KAZN: variants seen among roughly 807,000 people sequenced by gnomAD.
KAZN encodes the protein kazrin.
A neutral mutation model predicts 87.4 loss-of-function variants in KAZN; 40 were observed. That is an observed-to-expected ratio of 0.46 (90% CI 0.36 to 0.60). The LOEUF (loss-of-function observed/expected upper bound fraction) is 0.60, where lower values mean the gene tolerates loss of function less well. Ranked by LOEUF, KAZN falls within the 20% of genes least tolerant of loss-of-function variation. The pLI, the probability that KAZN is intolerant of heterozygous loss-of-function variation, is 0.00. For synonymous variants in KAZN, 466 were observed against 458.3 expected (o/e 1.02, Z -0.22); for missense variants, 898 against 1,073.9 (o/e 0.84, Z 2.29).
At position 13,894,065 on chromosome 1, in the gene KAZN, A is replaced by G. The variant is rs536981808; in HGVS notation, c.91+309A>G. On this transcript the variant is annotated intron_variant, in intron 1 of 16. Transcript: ENST00000636203. ...GCTGGGGGGTGAAGGAGGGTGCGTCAGGATGGATCTGATGATGCCATGCTG... is the reference window on the plus strand; with the variant it reads ...GCTGGGGGGTGAAGGAGGGTGCGTCGGGATGGATCTGATGATGCCATGCTG... Among the ~76,000 whole-genome samples, 3 of 152,322 alleles carry G rather than the reference A, an allele frequency of 2.0e-5. No homozygotes were observed. In the South Asian group the frequency reaches 6.2e-4, roughly 32 times the overall value.
intron 2 of KAZN, among the ~76,000 whole-genome samples, chr1:14,443,390 G>C (rs909768365): frequency 6.6e-6 from 1 of 152,180 alleles, no homozygotes; most frequent in African/African-American, 2.4e-5. Context: ...GCTCTTGGGA[G>C]ATAAGACACG....
intron 2 of KAZN, among the ~76,000 whole-genome samples, chr1:14,239,256 T>G (rs1648705432): frequency 6.6e-6 from 1 of 152,164 alleles, no homozygotes; most frequent in South Asian, 2.1e-4. Flanking sequence ...AATTGCAATT[T>G]TAAATCATTC....
At chr1:14,370,554 C>T (rs138505147) in intron 2 of KAZN, among the ~76,000 whole-genome samples, 275 of 152,320 alleles carry the variant, frequency 1.8e-3, no homozygotes, top group Non-Finnish European at 2.9e-3. Flanking sequence ...GGTATAGACA[C>T]GATTACTTTT....
intron 1 of KAZN, among the ~76,000 whole-genome samples, chr1:14,660,147 A>G (rs1265558543): frequency 6.6e-6 from 1 of 152,126 alleles, no homozygotes; most frequent in African/African-American, 2.4e-5. Flanking sequence ...GGAAGTCGAG[A>G]TGCCCAAGCG....
intron 1 of KAZN, among the ~76,000 whole-genome samples, chr1:13,900,457 T>C (rs562275690): frequency 2.0e-5 from 3 of 152,184 alleles, no homozygotes; most frequent in Non-Finnish European, 4.4e-5. Context: ...CTTGGACCAC[T>C]GCTTGACCTC....
intron 2 of KAZN, among the ~76,000 whole-genome samples, chr1:14,186,388 A>T (rs1037252949): frequency 1.3e-5 from 2 of 152,128 alleles, no homozygotes; most frequent in African/African-American, 4.8e-5. Context: ...ATTAACAGGG[A>T]TACACTTAAT....
chr1:14,189,679 G>A (rs1460408906), intron 2 of KAZN, among the ~76,000 whole-genome samples: 1 of 152,088 alleles, frequency 6.6e-6, no homozygotes, highest in African/African-American at 2.4e-5. Flanking sequence ...AGTAGACAAA[G>A]CAATCACTTT....
At chr1:14,064,239 A>G (rs1476503268) in intron 1 of KAZN, among the ~76,000 whole-genome samples, 2 of 152,202 alleles carry the variant, frequency 1.3e-5, no homozygotes, top group African/African-American at 4.8e-5. Context: ...TTGCCAGAAG[A>G]GAGCTCTGAG....
At chr1:14,183,327 C>G (rs144115516) in intron 2 of KAZN, among the ~76,000 whole-genome samples, 2,252 of 152,184 alleles carry the variant, frequency 0.015, 41 homozygotes, top group Non-Finnish European at 0.021. Context: ...AAAATGGAAT[C>G]GCGAAGGGAG....
At chr1:14,984,495 G>A (rs1666576107) in intron 2 of KAZN, among the ~76,000 whole-genome samples, 1 of 152,170 alleles carries the variant, frequency 6.6e-6, no homozygotes, top group African/African-American at 2.4e-5. Context: ...GCGGTGGATT[G>A]GAGTTGGGGC....
chr1:14,849,103 T>A (rs1214503533), intron 1 of KAZN, among the ~76,000 whole-genome samples: 1 of 152,132 alleles, frequency 6.6e-6, no homozygotes, highest in Middle Eastern at 3.2e-3. Flanking sequence ...GTTCGGCCAC[T>A]CCCAGGGGAA....
At chr1:14,259,860 G>C (rs531295477) in intron 2 of KAZN, among the ~76,000 whole-genome samples, 1 of 152,102 alleles carries the variant, frequency 6.6e-6, no homozygotes, top group Non-Finnish European at 1.5e-5. Context: ...CTTTTGACTG[G>C]GTCCAGGAAA....
rs532223391 is a variant in KAZN at position 14,790,609 on chromosome 1, G to A, written c.227-170075G>A. On this transcript the variant is annotated intron_variant, in intron 1 of 14. Coordinates refer to ENST00000376030, the MANE Select transcript of KAZN (RefSeq NM_201628.3). ...TTAAGTATGTGGCAGTTCTTTTGTT[G>A]GGAAGTCATTCAAGCAATTTTCACA... is the stretch of plus-strand genomic sequence containing the variant. Among the ~76,000 whole-genome samples, 85 of 152,218 alleles carry A rather than the reference G, an allele frequency of 5.6e-4. No homozygotes were observed. In the South Asian group the frequency reaches 5.6e-3, roughly 10 times the overall value.
At chr1:14,118,209 T>C (rs1186199126) in intron 1 of KAZN, among the ~76,000 whole-genome samples, 1 of 152,204 alleles carries the variant, frequency 6.6e-6, no homozygotes, top group Non-Finnish European at 1.5e-5. Context: ...ACCTACCAGG[T>C]TCTGGATTCT....
chr1:14,302,246 G>A (rs1393439510), intron 2 of KAZN, among the ~76,000 whole-genome samples: 3 of 152,336 alleles, frequency 2.0e-5, no homozygotes, highest in Admixed American at 2.0e-4. Context: ...TTGAGTCATA[G>A]CAAAGAGTTG....
chr1:13,953,102 CG>C (rs1489385280), intron 1 of KAZN, among the ~76,000 whole-genome samples: 3 of 152,068 alleles, frequency 2.0e-5, no homozygotes, highest in South Asian at 2.1e-4. Flanking sequence ...AACTACAGAA[CG>C]GCCCCCGAAT....
At chr1:13,951,377 T>A (rs1641338240) in intron 1 of KAZN, among the ~76,000 whole-genome samples, 1 of 152,132 alleles carries the variant, frequency 6.6e-6, no homozygotes, top group African/African-American at 2.4e-5. Flanking sequence ...GATGAGCTAG[T>A]CCACGCAAAG....
At chr1:14,333,742 A>G (rs1657015550) in intron 2 of KAZN, among the ~76,000 whole-genome samples, 1 of 152,144 alleles carries the variant, frequency 6.6e-6, no homozygotes, top group South Asian at 2.1e-4. Flanking sequence ...GTCGCTTGTT[A>G]AATAAGGTGG....
chr1:14,963,483 A>G (rs1476004699), intron 2 of KAZN, among the ~76,000 whole-genome samples: 1 of 152,206 alleles, frequency 6.6e-6, no homozygotes, highest in Non-Finnish European at 1.5e-5. Context: ...CAGGGAAGGA[A>G]GTTGGCCCAG....
Sources: gnomAD v4.1 joint callset for allele counts (sites outside exome capture counted in the v4.1 genomes callset) on GRCh38, gnomAD v4.1.1 for gene constraint, MANE v1.5 for transcripts, NCBI Gene and HGNC (gene_info 2026-07-23, HGNC 2026-07-21) for gene names.